The following MGAT5B variants were observed in gnomAD, a reference collection of about 807,000 sequenced individuals.
MGAT5B encodes the protein N-acetylglucosaminyl-transferase Vb.
MGAT5B carries 54 observed loss-of-function variants against 95.1 expected under a neutral mutation model. The observed-to-expected ratio is 0.57, with a 90% CI of 0.46 to 0.71. The LOEUF (loss-of-function observed/expected upper bound fraction) is 0.71. Ranked by LOEUF, MGAT5B falls within the 30% of genes least tolerant of loss-of-function variation. The pLI, the probability that MGAT5B is intolerant of heterozygous loss-of-function variation, is 0.00. For missense variants in MGAT5B, 935 were observed against 1,088.6 expected, an observed-to-expected ratio of 0.86 and a Z score of 1.99; for synonymous variants, 464 against 451.0, an observed-to-expected ratio of 1.03 and a Z score of -0.36.
chr17:76,943,705 A>G (rs1258988961), intron 15 of MGAT5B, among the ~76,000 whole-genome samples: 2 of 151,770 alleles, frequency 1.3e-5, no homozygotes, highest in African/African-American at 4.8e-5. Context: ...CCTCCCAAAG[A>G]GCTGGGATTA....
chr17:76,947,738 T>C, intron 16 of MGAT5B, 92 bp from the exon 17 acceptor site: 1 of 1,458,488 alleles, frequency 6.9e-7, no homozygotes, highest in Non-Finnish European at 9.0e-7. Context: ...TAGTGGTGGC[T>C]CGTACTGGCA....
chr17:76,922,995 C>G (rs1018617091), intron 8 of MGAT5B, among the ~76,000 whole-genome samples: 1 of 152,118 alleles, frequency 6.6e-6, no homozygotes, highest in African/African-American at 2.4e-5. Context: ...CTCTGCAGGG[C>G]GAGGCTGACC....
chr17:76,929,600 A>G (rs934376313), intron 10 of MGAT5B, among the ~76,000 whole-genome samples: 2 of 152,234 alleles, frequency 1.3e-5, no homozygotes, highest in Admixed American at 1.3e-4. Context: ...TCTGGAGCCA[A>G]CCTAGGTCCT....
intron 3 of MGAT5B, among the ~76,000 whole-genome samples, chr17:76,883,117 C>T (rs1967497589): frequency 6.6e-6 from 1 of 152,082 alleles, no homozygotes; most frequent in Admixed American, 6.5e-5. Flanking sequence ...CGTGCCTCAG[C>T]CTCCTGAGTA....
chr17:76,932,627 T>G lies in MGAT5B; in HGVS notation c.1292-18T>G, dbSNP rs780729551. 6.2e-7 allele frequency: 1 copy of G among 1,612,368 alleles called. No homozygotes were observed. Among genetic ancestry groups the G allele is most frequent in the African/African-American group, 1.3e-5 (1 of 74,882 alleles). On this transcript the variant is annotated intron_variant, in intron 10 of 17. Coordinates refer to ENST00000569840, the MANE Select transcript of MGAT5B (RefSeq NM_001199172.2). Reference sequence around the variant, plus strand: ...GGTTGTTTGGTGACCCCATTCCTTCTGCGTGCTCGGGCTGCAGCTCATACC... The same window carrying G: ...GGTTGTTTGGTGACCCCATTCCTTCGGCGTGCTCGGGCTGCAGCTCATACC...
intron 10 of MGAT5B, among the ~76,000 whole-genome samples, chr17:76,929,804 A>G (rs1969425655): frequency 6.6e-6 from 1 of 152,210 alleles, no homozygotes; most frequent in African/African-American, 2.4e-5. Flanking sequence ...CTCTGCCCCC[A>G]GGAGCTCTTG....
rs774467425 is a variant in MGAT5B at position 76,904,271 on chromosome 17, C to T, written c.539C>T (p.Thr180Ile). Reference protein sequence around the residue: ...GKVEWMRARWTSDPCYAFFGV... With the variant: ...GKVEWMRARWISDPCYAFFGV... ...CTGCAGTGGATGCGTGCCCGCTGGACCTCTGACCCCTGCTACGCCTTCTTT... is the reference window on the plus strand; with the variant it reads ...CTGCAGTGGATGCGTGCCCGCTGGATCTCTGACCCCTGCTACGCCTTCTTT... The change falls in exon 6 of 18, where the codon ACC becomes ATC. Residue 180 changes from threonine (T) to isoleucine (I), a missense_variant. Thr to Ile is a moderately conservative substitution (Grantham distance 89). Around this residue, in one of 4 missense-constraint regions of MGAT5B, gnomAD observed 243 missense variants for 305.5 expected, o/e 0.80. Transcript: ENST00000569840. 3.7e-6 allele frequency: 6 copies of T among 1,610,202 alleles called. No homozygotes were observed. In the East Asian group the frequency reaches 1.1e-4, roughly 30 times the overall value.
At chr17:76,913,841 C>A (rs574023742) in intron 8 of MGAT5B, 198 of 454,778 alleles carry the variant, frequency 4.4e-4, no homozygotes, top group Middle Eastern at 2.3e-3. Flanking sequence ...CTGGGTGGGG[C>A]GGCTCACTCC....
intron 5 of MGAT5B, among the ~76,000 whole-genome samples, chr17:76,903,812 G>A (rs985703782): frequency 6.6e-6 from 1 of 152,174 alleles, no homozygotes; most frequent in Non-Finnish European, 1.5e-5. Context: ...CGGTGGTGCC[G>A]CAGACCCCTT....
chr17:76,888,341 C>T (rs1967738385), intron 3 of MGAT5B, among the ~76,000 whole-genome samples: 1 of 152,078 alleles, frequency 6.6e-6, no homozygotes, highest in African/African-American at 2.4e-5. Context: ...GAGACAGAGG[C>T]GGACGCAGAG....
At chr17:76,942,649 A>G (rs1029175892) in intron 15 of MGAT5B, among the ~76,000 whole-genome samples, 1 of 152,238 alleles carries the variant, frequency 6.6e-6, no homozygotes. Flanking sequence ...AGTGCCAGGA[A>G]GGAGGCCTTA....
At chr17:76,891,675 C>G (rs530708247) in intron 3 of MGAT5B, among the ~76,000 whole-genome samples, 1 of 152,242 alleles carries the variant, frequency 6.6e-6, no homozygotes, top group Non-Finnish European at 1.5e-5. Flanking sequence ...CCACTGCGCC[C>G]GGCCCTGGGG....
At chr17:76,934,135 G>T (rs983115988) in intron 12 of MGAT5B, among the ~76,000 whole-genome samples, 4 of 152,186 alleles carry the variant, frequency 2.6e-5, no homozygotes, top group Admixed American at 2.6e-4. Context: ...GACTCAGGGG[G>T]ATCTCACCAT....
intron 2 of MGAT5B, among the ~76,000 whole-genome samples, chr17:76,880,950 T>C (rs9890632): frequency 0.22 from 33,698 of 152,056 alleles, 4,569 homozygotes; most frequent in East Asian, 0.38. Flanking sequence ...GCATCCTCCA[T>C]TGGGCCCCTG....
chr17:76,935,399 ACT>A, intron 12 of MGAT5B, among the ~76,000 whole-genome samples: 1 of 152,240 alleles, frequency 6.6e-6, no homozygotes, highest in African/African-American at 2.4e-5. Flanking sequence ...GCTGGTTAAT[ACT>A]GTAGAAGTGT....
rs752490901 is a variant in MGAT5B, at chr17:76,926,589, G to C, written c.1158-8G>C. The C allele has an allele frequency of 1.9e-5, 31 of 1,606,898 alleles. No individual in the cohort carries two copies. The Admixed American group carries it at 3.5e-4, about 18-fold the overall frequency. Reference sequence around the variant, plus strand: ...CTGACCCTGGTTCCTGGTCCCCTGGGGGGGCAGGTGCCGAATCAGGGTCAT... The same window carrying C: ...CTGACCCTGGTTCCTGGTCCCCTGGCGGGGCAGGTGCCGAATCAGGGTCAT... On this transcript the variant is annotated splice_polypyrimidine_tract_variant and splice_region_variant and intron_variant, in intron 9 of 17. Transcript: ENST00000569840.
Position 76,946,384 on chromosome 17 carries a change from C to T in MGAT5B, c.1857C>T (p.Pro619=). The part of the protein sequence containing the change: ...IKAIMRTQVD[P]YLPYEYTCEG... ...GCCCATCCCTCCCACAGGTAGACCC[C>T]TACCTACCCTACGAGTACACCTGCG... The change falls in exon 16 of 18, where the codon CCC becomes CCT. Residue 619 remains proline (P), a synonymous_variant. Transcript: ENST00000569840. The T allele has an allele frequency of 6.2e-7, 1 of 1,607,964 alleles. No homozygotes were observed. Among genetic ancestry groups the T allele is most frequent in the East Asian group, 2.3e-5 (1 of 43,886 alleles).
intron 3 of MGAT5B, among the ~76,000 whole-genome samples, chr17:76,900,962 CGCCTGTGTGCATGT>C (rs1968293545): frequency 6.6e-6 from 1 of 151,622 alleles, no homozygotes; most frequent in Admixed American, 6.6e-5. Flanking sequence ...TGCGTGTGCA[CGCCTGTGTGCATGT>C]GTGTGTGCAT....
intron 2 of MGAT5B, among the ~76,000 whole-genome samples, chr17:76,881,620 A>G (rs979754354): frequency 2.0e-5 from 3 of 152,184 alleles, no homozygotes; most frequent in African/African-American, 7.2e-5. Flanking sequence ...TTGAATGGGC[A>G]AATCTAGACC....
Sources: allele counts gnomAD v4.1 joint callset (sites outside exome capture counted in the v4.1 genomes callset), GRCh38; gene constraint gnomAD v4.1.1; regional missense constraint gnomAD v4.1.1; transcripts MANE v1.5; gene names NCBI Gene and HGNC (gene_info 2026-07-23, HGNC 2026-07-21).